Variants in RNF34 observed in about 807,000 individuals in gnomAD.
The protein encoded by RNF34 is ring finger protein 34, also known as E3 ubiquitin-protein ligase RNF34.
RNF34 carries 12 observed loss-of-function variants against 37.9 expected under a neutral mutation model. The ratio of observed to expected loss-of-function variants is 0.32; its 90% CI spans 0.20 to 0.51. RNF34 has a LOEUF of 0.51. Ranked by LOEUF, RNF34 falls within the 20% of genes least tolerant of loss-of-function variation. RNF34 has a pLI of 0.97. For missense variants in RNF34, 362 were observed against 472.7 expected (o/e 0.77, Z 2.17); for synonymous variants, 155 against 177.2 (o/e 0.87, Z 1.00).
Position 121,423,477 on chromosome 12 carries a change from T to C in RNF34, c.1020T>C (p.Cys340=). Residue 340 remains cysteine (C), a synonymous_variant, in exon 6 of 6, where the codon TGT becomes TGC. Transcript: ENST00000361234. This position sits in a 1 kb window ranked among gnomAD's most constrained non-coding sequence, Gnocchi z 4.3. ...DAVIDCVLLE[C]GHMVTCTKCG... ...TCATCGACTGTGTCCTACTGGAGTG[T>C]GGGCACATGGTTACCTGCACCAAGT... 3 of 1,613,956 alleles carry C rather than the reference T, an allele frequency of 1.9e-6. No individual in the cohort carries two copies. In the South Asian group the frequency reaches 3.3e-5, roughly 18 times the overall value.
At chr12:121,421,371 T>TTAAAA (rs1555283358) in intron 5 of RNF34, among the ~76,000 whole-genome samples, 1 of 46,378 alleles carries the variant, frequency 2.2e-5, no homozygotes, top group Non-Finnish European at 4.4e-5. Context: ...ATCCCATCTC[T>TTAAAA]AAAAAAAAAA....
Position 121,412,264 on chromosome 12 carries a change from G to T in RNF34, c.7-3895G>T, listed in dbSNP as rs1478048562. 3.8e-5 allele frequency among the ~76,000 whole-genome samples: 5 copies of T among 131,998 alleles called. 1 individual carries two copies. The South Asian group carries it at 9.8e-4, about 26-fold the overall frequency. 86.6% of individuals were successfully genotyped at this position (131,998 alleles called of 152,430 possible). On this transcript the variant is annotated intron_variant, in intron 1 of 5. Transcript: ENST00000361234. Reference sequence around the variant, plus strand: ...TTTTTTTTTTTTTTTTTTTGAGATGGAGTCCCGCTCTGTTGCCCAGGCTGG... The same window carrying T: ...TTTTTTTTTTTTTTTTTTTGAGATGTAGTCCCGCTCTGTTGCCCAGGCTGG...
chr12:121,400,139 A>C lies in RNF34; in HGVS notation c.-74A>C. 1.9e-6 allele frequency: 3 copies of C among 1,549,260 alleles called. No individual in the cohort carries two copies. Among genetic ancestry groups the C allele is most frequent in the Middle Eastern group, 1.8e-4 (1 of 5,532 alleles). On this transcript the variant is annotated 5_prime_UTR_variant, in exon 1 of 6. Coordinates refer to ENST00000361234, the MANE Select transcript of RNF34 (RefSeq NM_025126.4). ...CGGTAATCACCGCCCAGAGGGAAGGAGGTCGGCAGTGTGAGGAGCTGCTAT... is the reference window on the plus strand; with the variant it reads ...CGGTAATCACCGCCCAGAGGGAAGGCGGTCGGCAGTGTGAGGAGCTGCTAT...
At chr12:121,403,163 G>A (rs1157447440) in intron 1 of RNF34, among the ~76,000 whole-genome samples, 7 of 152,156 alleles carry the variant, frequency 4.6e-5, no homozygotes, top group East Asian at 1.9e-4. Context: ...TTGGGAGGCC[G>A]AGGCAGGCAG....
intron 1 of RNF34, chr12:121,402,900 C>A: frequency 1.1e-6 from 1 of 936,930 alleles, no homozygotes; most frequent in Non-Finnish European, 1.7e-6. Flanking sequence ...AGTTCATCAT[C>A]TGTTTTTGCA....
In RNF34 at chr12:121,400,121, C is replaced by G; in HGVS notation, c.-92C>G. 1 of 1,405,550 alleles carries G rather than the reference C, an allele frequency of 7.1e-7. No homozygotes were observed. The allele number at this position is 1,405,550 out of a possible 1,614,324, so 87.1% of individuals were successfully genotyped here. On this transcript the variant is annotated 5_prime_UTR_variant, in exon 1 of 6. In the 5' UTR this introduces an upstream ATG that the reference lacks. Coordinates refer to ENST00000361234, the MANE Select transcript of RNF34 (RefSeq NM_025126.4). ...CGGTCGCCTCCCGGGGCGCGGTAATCACCGCCCAGAGGGAAGGAGGTCGGC... is the reference window on the plus strand; with the variant it reads ...CGGTCGCCTCCCGGGGCGCGGTAATGACCGCCCAGAGGGAAGGAGGTCGGC...
chr12:121,405,269 C>G (rs1352504290), intron 1 of RNF34, among the ~76,000 whole-genome samples: 1 of 152,132 alleles, frequency 6.6e-6, no homozygotes, highest in Non-Finnish European at 1.5e-5. Flanking sequence ...TGAGGAGTTT[C>G]AGTGAAGGAA....
chr12:121,422,874 G>T (rs1872285273), intron 5 of RNF34, among the ~76,000 whole-genome samples: 1 of 152,078 alleles, frequency 6.6e-6, no homozygotes, highest in Admixed American at 6.5e-5. Flanking sequence ...TGATTCTAAG[G>T]CTAGGGAGGG....
rs1872374390 is a variant in RNF34, at chr12:121,423,890, GTTCTC to G, written c.*317_*321del. ...GCTGTCTTGGGAGGACACTTATCCT[GTTCTC>G]TTATTTCCCCTTCATCCTATTTTTA... is the stretch of plus-strand genomic sequence containing the variant. On this transcript the variant is annotated 3_prime_UTR_variant, in exon 6 of 6. Coordinates refer to ENST00000361234, the MANE Select transcript of RNF34 (RefSeq NM_025126.4). The surrounding 1 kb of genome is among the most constrained non-coding windows in gnomAD (Gnocchi z 4.3). The G allele has an allele frequency of 3.7e-6, 1 of 273,198 alleles. No homozygotes were observed. Among genetic ancestry groups the G allele is most frequent in the Non-Finnish European group, 7.0e-6 (1 of 143,838 alleles). 16.9% of individuals were successfully genotyped at this position (273,198 alleles called of 1,614,324 possible).
intron 1 of RNF34, among the ~76,000 whole-genome samples, chr12:121,412,365 G>A (rs529293094): frequency 4.1e-5 from 6 of 146,418 alleles, no homozygotes; most frequent in Non-Finnish European, 6.0e-5. Flanking sequence ...TTAGCCTCCC[G>A]AGTAGCTGGG....
chr12:121,415,509 G>T (rs886929052), intron 1 of RNF34, among the ~76,000 whole-genome samples: 1 of 151,972 alleles, frequency 6.6e-6, no homozygotes, highest in Non-Finnish European at 1.5e-5. Flanking sequence ...CTAGTTACTC[G>T]GGAGGCTGAG....
chr12:121,402,984 G>A (rs868931550), intron 1 of RNF34, among the ~76,000 whole-genome samples: 3 of 152,098 alleles, frequency 2.0e-5, no homozygotes, highest in Non-Finnish European at 4.4e-5. Context: ...GTATATGGTC[G>A]GATATTTGGT....
At chr12:121,408,224 T>G (rs1436741568) in intron 1 of RNF34, among the ~76,000 whole-genome samples, 1 of 152,162 alleles carries the variant, frequency 6.6e-6, no homozygotes, top group East Asian at 1.9e-4. Context: ...GCAGATCACC[T>G]GAGGTCAGGA....
At chr12:121,415,050 C>G (rs567926125) in intron 1 of RNF34, among the ~76,000 whole-genome samples, 18 of 151,888 alleles carry the variant, frequency 1.2e-4, no homozygotes, top group Admixed American at 9.8e-4. Context: ...GAGCCGAGAT[C>G]ACGCCATTAC....
At chr12:121,416,613 G>T in intron 2 of RNF34, 1 of 404,104 alleles carries the variant, frequency 2.5e-6, no homozygotes, top group Non-Finnish European at 4.5e-6. Flanking sequence ...TGACCTGTTT[G>T]TATCATTTTA....
chr12:121,411,188 A>G (rs1232333254), intron 1 of RNF34, among the ~76,000 whole-genome samples: 1 of 152,162 alleles, frequency 6.6e-6, no homozygotes, highest in African/African-American at 2.4e-5. Context: ...TTGGCCACCT[A>G]AAGTGCTGGG....
Position 121,420,354 on chromosome 12 carries a change from T to G in RNF34, c.726+20T>G. On this transcript the variant is annotated intron_variant, in intron 4 of 5. Coordinates refer to ENST00000361234, the MANE Select transcript of RNF34 (RefSeq NM_025126.4). ...GATCGGGTGAGGCCACCTATAAAATTTGGTTTCCCTGACATGTCAGCCTGA... is the reference window on the plus strand; with the variant it reads ...GATCGGGTGAGGCCACCTATAAAATGTGGTTTCCCTGACATGTCAGCCTGA... 6.4e-7 allele frequency: 1 copy of G among 1,555,594 alleles called. No homozygotes were observed. Among genetic ancestry groups the G allele is most frequent in the South Asian group, 1.2e-5 (1 of 84,854 alleles).
intron 1 of RNF34, chr12:121,402,832 G>A (rs1870128787): frequency 3.3e-6 from 5 of 1,506,748 alleles, no homozygotes; most frequent in Non-Finnish European, 4.6e-6. Context: ...TATAGCACAT[G>A]TTATTGTAAT....
intron 1 of RNF34, among the ~76,000 whole-genome samples, chr12:121,407,628 C>A (rs550042926): frequency 1.3e-5 from 2 of 152,166 alleles, no homozygotes; most frequent in Non-Finnish European, 2.9e-5. Flanking sequence ...GTAGAAGATG[C>A]TTCAATCTTA....
Sources: allele counts gnomAD v4.1 joint callset (sites outside exome capture counted in the v4.1 genomes callset), GRCh38; gene constraint gnomAD v4.1.1; non-coding constraint Gnocchi (gnomAD v3.1); transcripts MANE v1.5; gene names NCBI Gene and HGNC (gene_info 2026-07-23, HGNC 2026-07-21).